PARD3: variants seen among roughly 807,000 people sequenced by gnomAD.
PARD3 encodes par-3 family cell polarity regulator, also known as partitioning defective 3 homolog.
In PARD3, 75 loss-of-function variants were observed where a neutral mutation model predicts 155.4. The ratio of observed to expected loss-of-function variants is 0.48; its 90% CI spans 0.40 to 0.58. PARD3 has a LOEUF of 0.58. PARD3 is among the 20% of genes least tolerant of loss of function. PARD3 has a pLI of 0.00. For synonymous variants in PARD3, 576 were observed against 610.5 expected (o/e 0.94, Z 0.83); for missense variants, 1,642 against 1,721.7 (o/e 0.95, Z 0.82).
At position 34,252,919 on chromosome 10, in the gene PARD3, A is replaced by G. The variant is rs1313408414; in HGVS notation, c.3419+16738T>C. On this transcript the variant is annotated intron_variant, in intron 22 of 24. Coordinates refer to ENST00000374788, the MANE Select transcript of PARD3 (RefSeq NM_001184785.2). ...TAAAAATCAACTGACATACTGTTTC[A>G]GTTATAAATGGGTAGGATGTAGGAA... is the stretch of plus-strand genomic sequence containing the variant. Among the ~76,000 whole-genome samples the G allele has an allele frequency of 2.6e-5, 4 of 152,302 alleles. No individual in the cohort carries two copies. The East Asian group carries it at 5.8e-4, about 22-fold the overall frequency.
At chr10:34,762,436 G>C (rs1002187196) in intron 1 of PARD3, among the ~76,000 whole-genome samples, 2 of 149,810 alleles carry the variant, frequency 1.3e-5, no homozygotes, top group African/African-American at 4.9e-5. Context: ...CCAGCCTTCA[G>C]CTGGGAACAC....
At chr10:34,641,825 C>G (rs1235482566) in intron 2 of PARD3, among the ~76,000 whole-genome samples, 2 of 152,142 alleles carry the variant, frequency 1.3e-5, no homozygotes, top group African/African-American at 4.8e-5. Flanking sequence ...ACCATGGAAC[C>G]CTGTCCTGCA....
At chr10:34,482,994 C>CA (rs11362384) in intron 3 of PARD3, among the ~76,000 whole-genome samples, 11,670 of 142,920 alleles carry the variant, frequency 0.082, 1,339 homozygotes, top group African/African-American at 0.26. Context: ...ACTAAAAATA[C>CA]AAAAAAAAAA....
At position 34,130,095 on chromosome 10, in the gene PARD3, T is replaced by C. The variant is rs376143499; in HGVS notation, c.3540+1368A>G. ...TGGACACTAATCTCCGCTCTACTTC[T>C]GTAACTCACGTGCAAAGATGGCAGG... On this transcript the variant is annotated intron_variant, in intron 23 of 24. Transcript: ENST00000374788. Among the ~76,000 whole-genome samples the C allele has an allele frequency of 3.2e-3, 489 of 152,324 alleles. 4 individuals are homozygous for C. Among genetic ancestry groups the C allele is most frequent in the African/African-American group, 0.011 (472 of 41,580 alleles).
At chr10:34,745,858 T>C (rs1835243301) in intron 1 of PARD3, among the ~76,000 whole-genome samples, 1 of 152,130 alleles carries the variant, frequency 6.6e-6, no homozygotes, top group African/African-American at 2.4e-5. Context: ...CCCAGCACTT[T>C]GGGAGGTCAA....
At chr10:34,185,033 T>A (rs1265123483) in intron 22 of PARD3, among the ~76,000 whole-genome samples, 1 of 152,172 alleles carries the variant, frequency 6.6e-6, no homozygotes, top group Non-Finnish European at 1.5e-5. Context: ...ACTTTCTCTA[T>A]TCTGTTTAAA....
At chr10:34,612,888 T>C (rs959390493) in intron 2 of PARD3, among the ~76,000 whole-genome samples, 1 of 152,228 alleles carries the variant, frequency 6.6e-6, no homozygotes, top group African/African-American at 2.4e-5. Context: ...ATAAAGTAAG[T>C]TGAACAGCCA....
chr10:34,729,641 A>C (rs569308584), intron 1 of PARD3, among the ~76,000 whole-genome samples: 1 of 152,312 alleles, frequency 6.6e-6, no homozygotes, highest in South Asian at 2.1e-4. Context: ...AAATAGTAGA[A>C]CTTGATTTAA....
intron 1 of PARD3, among the ~76,000 whole-genome samples, chr10:34,807,691 T>C (rs1420229421): frequency 1.5e-5 from 1 of 65,828 alleles, no homozygotes; most frequent in Non-Finnish European, 2.6e-5. Flanking sequence ...TGTGTGTGTG[T>C]ATATATATAA....
intron 20 of PARD3, among the ~76,000 whole-genome samples, chr10:34,302,690 C>T (rs1384860773): frequency 6.6e-6 from 1 of 152,196 alleles, no homozygotes; most frequent in African/African-American, 2.4e-5. Context: ...TTTCTTCTTA[C>T]AGATGATATC....
intron 22 of PARD3, among the ~76,000 whole-genome samples, chr10:34,199,836 G>C (rs1454635394): frequency 1.3e-5 from 2 of 152,040 alleles, no homozygotes; most frequent in African/African-American, 4.8e-5. Flanking sequence ...TTTCTACCTG[G>C]CTTCTCCTAG....
intron 22 of PARD3, among the ~76,000 whole-genome samples, chr10:34,180,617 T>A (rs1009537563): frequency 5.3e-5 from 8 of 152,188 alleles, no homozygotes; most frequent in African/African-American, 1.9e-4. Context: ...AACATACATG[T>A]GTGAACATAA....
chr10:34,328,753 G>A (rs1369449672), intron 19 of PARD3, among the ~76,000 whole-genome samples: 2 of 152,206 alleles, frequency 1.3e-5, no homozygotes, highest in Non-Finnish European at 2.9e-5. Context: ...AGAATGTAGA[G>A]GAGGATGCAA....
intron 3 of PARD3, among the ~76,000 whole-genome samples, chr10:34,501,402 G>A (rs956311086): frequency 6.6e-6 from 1 of 152,020 alleles, no homozygotes; most frequent in Non-Finnish European, 1.5e-5. Flanking sequence ...GCTTCCAGAG[G>A]CTTCCCTAGA....
chr10:34,334,700 T>C (rs1466110388), intron 18 of PARD3, among the ~76,000 whole-genome samples: 3 of 151,454 alleles, frequency 2.0e-5, no homozygotes, highest in African/African-American at 4.8e-5. Context: ...CCCAATATTT[T>C]CTAATTTAAT....
At chr10:34,432,484 T>G (rs918560077) in intron 5 of PARD3, among the ~76,000 whole-genome samples, 4 of 150,850 alleles carry the variant, frequency 2.7e-5, no homozygotes, top group African/African-American at 9.8e-5. Context: ...CAGAGCAAAA[T>G]TAAAAGAAAC....
At chr10:34,683,155 C>T (rs571718832) in intron 2 of PARD3, among the ~76,000 whole-genome samples, 3 of 152,234 alleles carry the variant, frequency 2.0e-5, no homozygotes, top group South Asian at 4.2e-4. Flanking sequence ...GTGAACACCA[C>T]GTATTCTCAT....
intron 18 of PARD3, among the ~76,000 whole-genome samples, chr10:34,335,508 CAAT>C (rs1452465817): frequency 6.6e-6 from 1 of 151,916 alleles, no homozygotes; most frequent in Non-Finnish European, 1.5e-5. Context: ...TACTGTCATA[CAAT>C]AACATAAAAA....
chr10:34,577,040 CT>C (rs1458951867), intron 2 of PARD3, among the ~76,000 whole-genome samples: 7 of 152,116 alleles, frequency 4.6e-5, no homozygotes, highest in African/African-American at 1.7e-4. Context: ...ATCATCTTCT[CT>C]GACAAAAACA....
Sources: allele counts gnomAD v4.1 joint callset (sites outside exome capture counted in the v4.1 genomes callset), GRCh38; gene constraint gnomAD v4.1.1; transcripts MANE v1.5; gene names NCBI Gene and HGNC (gene_info 2026-07-23, HGNC 2026-07-21).